GRXCR1: variants seen among roughly 807,000 people sequenced by gnomAD.
The protein encoded by GRXCR1 is glutaredoxin domain-containing cysteine-rich protein 1.
Under a neutral mutation model 27.3 loss-of-function variants are expected in GRXCR1, and 27 were observed. That is an observed-to-expected ratio of 0.99 (90% CI 0.73 to 1.37). The LOEUF (loss-of-function observed/expected upper bound fraction) is 1.37, where lower values mean the gene tolerates loss of function less well. Ranked by LOEUF, GRXCR1 falls within the 40% of genes most tolerant of loss-of-function variation. GRXCR1 has a pLI of 0.00. For synonymous variants in GRXCR1, 122 were observed against 131.1 expected (o/e 0.93, Z 0.47); for missense variants, 379 against 354.4 (o/e 1.07, Z -0.56).
chr4:42,910,632 C>T (rs1000206363), intron 1 of GRXCR1, among the ~76,000 whole-genome samples: 4 of 152,108 alleles, frequency 2.6e-5, no homozygotes, highest in African/African-American at 9.7e-5. Context: ...GAAGCTGTGG[C>T]TGGAATTCAG....
chr4:42,978,399 G>A (rs190428160), intron 2 of GRXCR1, among the ~76,000 whole-genome samples: 1 of 152,152 alleles, frequency 6.6e-6, no homozygotes, highest in African/African-American at 2.4e-5. Flanking sequence ...GCTTTGACTA[G>A]TAGGGACATT....
At chr4:42,903,300 C>T (rs1746505812) in intron 1 of GRXCR1, among the ~76,000 whole-genome samples, 1 of 137,058 alleles carries the variant, frequency 7.3e-6, no homozygotes, top group Non-Finnish European at 1.5e-5. Context: ...TGGGCCACAG[C>T]TTTGTAGATT....
At chr4:42,906,052 G>A (rs1366280367) in intron 1 of GRXCR1, among the ~76,000 whole-genome samples, 1 of 152,066 alleles carries the variant, frequency 6.6e-6, no homozygotes. Context: ...TTTTCTGCCT[G>A]TCCTTGAGGA....
intron 2 of GRXCR1, among the ~76,000 whole-genome samples, chr4:42,973,584 G>A (rs1438649666): frequency 6.6e-6 from 1 of 151,610 alleles, no homozygotes; most frequent in East Asian, 1.9e-4. Flanking sequence ...CACTTACTCA[G>A]TTTTCTTTGA....
intron 1 of GRXCR1, among the ~76,000 whole-genome samples, chr4:42,929,181 G>A (rs1221940250): frequency 6.6e-6 from 1 of 151,930 alleles, no homozygotes; most frequent in East Asian, 1.9e-4. Context: ...ATGACCAGCT[G>A]TCACACAAGA....
chr4:42,951,114 C>A (rs1275622091), intron 1 of GRXCR1, among the ~76,000 whole-genome samples: 2 of 152,032 alleles, frequency 1.3e-5, no homozygotes, highest in African/African-American at 4.8e-5. Context: ...AAGTTTGAGT[C>A]TGAAGGCATA....
intron 3 of GRXCR1, among the ~76,000 whole-genome samples, chr4:43,025,931 G>A (rs964899437): frequency 6.7e-6 from 1 of 149,192 alleles, no homozygotes; most frequent in Non-Finnish European, 1.5e-5. Flanking sequence ...AGCTGAGATC[G>A]TGCCACTGCA....
At chr4:43,006,568 C>T (rs1316990925) in intron 2 of GRXCR1, among the ~76,000 whole-genome samples, 1 of 152,224 alleles carries the variant, frequency 6.6e-6, no homozygotes, top group South Asian at 2.1e-4. Context: ...AGAGGAAATT[C>T]CCACCTAATA....
At chr4:42,992,503 C>T (rs897403554) in intron 2 of GRXCR1, among the ~76,000 whole-genome samples, 1 of 151,956 alleles carries the variant, frequency 6.6e-6, no homozygotes, top group Non-Finnish European at 1.5e-5. Flanking sequence ...AGTTAATGAT[C>T]CAAATAATTT....
At chr4:42,997,679 C>T (rs1050410332) in intron 2 of GRXCR1, among the ~76,000 whole-genome samples, 4 of 152,166 alleles carry the variant, frequency 2.6e-5, no homozygotes, top group African/African-American at 7.2e-5. Flanking sequence ...CCCCAGGGCC[C>T]GGAATCAGAA....
At chr4:42,905,192 C>T (rs1000138721) in intron 1 of GRXCR1, among the ~76,000 whole-genome samples, 4 of 152,142 alleles carry the variant, frequency 2.6e-5, no homozygotes, top group African/African-American at 4.8e-5. Context: ...TATTAACTTC[C>T]GTGTCTATTT....
chr4:43,005,986 G>A (rs1053888444), intron 2 of GRXCR1, among the ~76,000 whole-genome samples: 1 of 152,210 alleles, frequency 6.6e-6, no homozygotes, highest in Non-Finnish European at 1.5e-5. Context: ...AATGTGGATT[G>A]TGAAGATTTC....
At chr4:43,029,365 A>C (rs909854422) in intron 3 of GRXCR1, among the ~76,000 whole-genome samples, 14 of 152,076 alleles carry the variant, frequency 9.2e-5, no homozygotes, top group Non-Finnish European at 7.4e-5. Flanking sequence ...TCCTGAGCTT[A>C]TTTTATCAAT....
intron 2 of GRXCR1, among the ~76,000 whole-genome samples, chr4:43,011,410 G>C (rs771435693): frequency 2.6e-5 from 4 of 152,146 alleles, no homozygotes; most frequent in Non-Finnish European, 4.4e-5. Context: ...CTGAGGCATA[G>C]TTTTGGCAGT....
chr4:42,936,562 A>C (rs532709579), intron 1 of GRXCR1, among the ~76,000 whole-genome samples: 2 of 152,038 alleles, frequency 1.3e-5, no homozygotes, highest in East Asian at 3.9e-4. Flanking sequence ...CATTTGTCAC[A>C]GTTAATGAAC....
At chr4:42,928,732 A>T (rs1213710919) in intron 1 of GRXCR1, among the ~76,000 whole-genome samples, 1 of 151,942 alleles carries the variant, frequency 6.6e-6, no homozygotes, top group Non-Finnish European at 1.5e-5. Context: ...TGGGAAAGGC[A>T]AGGCAAGGCA....
chr4:43,017,333 G>T (rs1429616233), intron 2 of GRXCR1, among the ~76,000 whole-genome samples: 4 of 152,138 alleles, frequency 2.6e-5, no homozygotes, highest in African/African-American at 9.7e-5. Context: ...TGAGCAGGCA[G>T]CTTGCAGGGT....
intron 2 of GRXCR1, among the ~76,000 whole-genome samples, chr4:42,987,347 A>T (rs1711804476): frequency 6.7e-6 from 1 of 148,302 alleles, no homozygotes; most frequent in South Asian, 2.1e-4. Context: ...TGGTGGTGTG[A>T]TCATAGCTTA....
Position 42,980,624 on chromosome 4 carries a change from G to A in GRXCR1, c.627+17490G>A, listed in dbSNP as rs373064023. 6.0e-4 allele frequency among the ~76,000 whole-genome samples: 91 copies of A among 152,068 alleles called. 1 individual carries two copies. The Middle Eastern group carries it at 0.02, about 34-fold the overall frequency. ...AATGTGTATTCTGCAGCTTTTTAAT[G>A]TTCTGTATGTGCCTGTTACATCTAT... On this transcript the variant is annotated intron_variant, in intron 2 of 3. Coordinates refer to ENST00000399770, the MANE Select transcript of GRXCR1 (RefSeq NM_001080476.3).
Sources: allele counts gnomAD v4.1 joint callset (sites outside exome capture counted in the v4.1 genomes callset), GRCh38; gene constraint gnomAD v4.1.1; transcripts MANE v1.5; gene names NCBI Gene and HGNC (gene_info 2026-07-23, HGNC 2026-07-21).